Variants in DOCK7 observed in about 807,000 individuals in gnomAD.
DOCK7 encodes dedicator of cytokinesis 7.
A neutral mutation model predicts 271.0 loss-of-function variants in DOCK7; 138 were observed. That is an observed-to-expected ratio of 0.51 (90% confidence interval 0.44 to 0.59). DOCK7 has a LOEUF of 0.59. Among genes scored for constraint, DOCK7 ranks in the 20% least tolerant of loss-of-function variants. The pLI is 0.00. For missense variants in DOCK7, 2,066 were observed against 2,592.4 expected (o/e 0.80, Z 4.41); for synonymous variants, 823 against 876.1 (o/e 0.94, Z 1.07).
At position 62,510,561 on chromosome 1, in the gene DOCK7, T is replaced by C. The variant is rs1644454220; in HGVS notation, c.4379+16A>G. The C allele has an allele frequency of 6.3e-7, 1 of 1,597,888 alleles. No individual in the cohort carries two copies. Among genetic ancestry groups the C allele is most frequent in the African/African-American group, 1.3e-5 (1 of 74,456 alleles). ...CAACACACCCATCAGTAACATAAAATAGAAAGCTGTATTACTTGTCAAGCT... is the reference window on the plus strand; with the variant it reads ...CAACACACCCATCAGTAACATAAAACAGAAAGCTGTATTACTTGTCAAGCT... On this transcript the variant is annotated intron_variant, in intron 34 of 49. Coordinates refer to ENST00000635253, the MANE Select transcript of DOCK7 (RefSeq NM_001367561.1).
intron 28 of DOCK7, among the ~76,000 whole-genome samples, chr1:62,537,679 T>C (rs1645392079): frequency 6.6e-6 from 1 of 152,204 alleles, no homozygotes; most frequent in South Asian, 2.1e-4. Context: ...CTTTCTGTGT[T>C]TCTGTTTTTC....
At chr1:62,658,433 C>T (rs1658286365) in intron 2 of DOCK7, among the ~76,000 whole-genome samples, 1 of 151,968 alleles carries the variant, frequency 6.6e-6, no homozygotes, top group Non-Finnish European at 1.5e-5. Context: ...GCACTCCAGT[C>T]TGGGGGACAG....
chr1:62,563,065 A>G (rs1250662172), intron 18 of DOCK7, among the ~76,000 whole-genome samples: 2 of 152,132 alleles, frequency 1.3e-5, no homozygotes, highest in Non-Finnish European at 2.9e-5. Context: ...AACAGAGGTG[A>G]CAGTGGAGGC....
At chr1:62,489,789 A>G (rs1646405920) in intron 41 of DOCK7, among the ~76,000 whole-genome samples, 1 of 152,212 alleles carries the variant, frequency 6.6e-6, no homozygotes, top group African/African-American at 2.4e-5. Flanking sequence ...AATAAATTTA[A>G]TATTACACTG....
chr1:62,464,553 G>A (rs11207972), intron 48 of DOCK7, among the ~76,000 whole-genome samples: 87,124 of 151,356 alleles, frequency 0.58, 26,732 homozygotes, highest in East Asian at 0.76. Context: ...GTGGTGGTGC[G>A]TGCCTGCAAT....
intron 48 of DOCK7, among the ~76,000 whole-genome samples, chr1:62,473,263 C>CT (rs1645880713): frequency 1.3e-5 from 2 of 152,064 alleles, no homozygotes; most frequent in African/African-American, 2.4e-5. Flanking sequence ...TGGAAAAGCA[C>CT]AATTAATGAT....
chr1:62,542,530 C>A (rs983874031), intron 25 of DOCK7, 78 bp downstream of exon 25: 7 of 1,397,244 alleles, frequency 5.0e-6, no homozygotes, highest in Non-Finnish European at 3.9e-6. Context: ...AAAAAGATTT[C>A]TAAGGTAACA....
intron 7 of DOCK7, among the ~76,000 whole-genome samples, chr1:62,647,016 C>A (rs1656756503): frequency 6.6e-6 from 1 of 152,266 alleles, no homozygotes; most frequent in South Asian, 2.1e-4. Context: ...CTGAATAAAT[C>A]TAACTAAATA....
chr1:62,640,449 G>A (rs910646977), intron 7 of DOCK7, among the ~76,000 whole-genome samples: 51 of 152,184 alleles, frequency 3.4e-4, no homozygotes, highest in Non-Finnish European at 5.6e-4. Flanking sequence ...TTGAACCCGG[G>A]AGGCGGAGGT....
chr1:62,651,458 A>G (rs1404170022), intron 4 of DOCK7, among the ~76,000 whole-genome samples: 2 of 150,608 alleles, frequency 1.3e-5, no homozygotes, highest in Non-Finnish European at 1.5e-5. Flanking sequence ...ATAAAAAAAA[A>G]AAAAAGAAAA....
chr1:62,627,457 C>A (rs115813626), intron 11 of DOCK7: 1 of 151,980 alleles, frequency 6.6e-6, no homozygotes, highest in Non-Finnish European at 1.5e-5. Flanking sequence ...GCAGATGACA[C>A]GGTTTTGTAT....
At chr1:62,474,699 T>C (rs1199825322) in intron 47 of DOCK7, among the ~76,000 whole-genome samples, 1 of 152,218 alleles carries the variant, frequency 6.6e-6, no homozygotes, top group African/African-American at 2.4e-5. Flanking sequence ...TTCTGTATTT[T>C]CCCTTATCAT....
chr1:62,521,104 G>A (rs554809660), intron 31 of DOCK7, among the ~76,000 whole-genome samples: 1 of 151,906 alleles, frequency 6.6e-6, no homozygotes, highest in African/African-American at 2.4e-5. Flanking sequence ...GCCTGTCAGG[G>A]GGTAGGGGGG....
At chr1:62,604,347 T>A in intron 14 of DOCK7, 1 of 1,347,762 alleles carries the variant, frequency 7.4e-7, no homozygotes, top group Non-Finnish European at 1.0e-6. Context: ...CAAATAAGCG[T>A]TTTCTCTCTA....
intron 22 of DOCK7, among the ~76,000 whole-genome samples, chr1:62,550,316 T>C (rs1645854114): frequency 6.6e-6 from 1 of 151,520 alleles, no homozygotes; most frequent in East Asian, 1.9e-4. Flanking sequence ...TACAGAAGAG[T>C]ATTAGGCAGT....
chr1:62,523,478 T>C (rs1229497062), intron 31 of DOCK7, among the ~76,000 whole-genome samples: 1 of 152,166 alleles, frequency 6.6e-6, no homozygotes, highest in Admixed American at 6.6e-5. Context: ...ATTTCGAATG[T>C]AACACAGAAT....
intron 16 of DOCK7, among the ~76,000 whole-genome samples, chr1:62,579,575 T>A (rs928289777): frequency 2.0e-5 from 3 of 149,860 alleles, no homozygotes; most frequent in Non-Finnish European, 1.5e-5. Context: ...ACAAAAAATT[T>A]AAAAAAGTCC....
chr1:62,493,453 CTT>C (rs907768417), intron 40 of DOCK7, among the ~76,000 whole-genome samples: 6 of 152,200 alleles, frequency 3.9e-5, no homozygotes, highest in African/African-American at 1.4e-4. Flanking sequence ...CACGGAATCT[CTT>C]TTGGGTAAAT....
At chr1:62,513,674 T>G (rs1258730889) in intron 32 of DOCK7, 42 bp downstream of exon 32, 1 of 1,605,870 alleles carries the variant, frequency 6.2e-7, no homozygotes, top group Admixed American at 1.7e-5. Context: ...CACATTATGT[T>G]TCTCCTTTCT....
Sources: gnomAD v4.1 joint callset for allele counts (sites outside exome capture counted in the v4.1 genomes callset) on GRCh38, gnomAD v4.1.1 for gene constraint, MANE v1.5 for transcripts, NCBI Gene and HGNC (gene_info 2026-07-23, HGNC 2026-07-21) for gene names.